Variants in CHODL observed in about 807,000 individuals in gnomAD.
The protein encoded by CHODL is transmembrane protein MT75.
Under a neutral mutation model 34.5 loss-of-function variants are expected in CHODL, and 29 were observed. That is an observed-to-expected ratio of 0.84 (90% confidence interval 0.63 to 1.15). CHODL has a LOEUF of 1.15. CHODL is among the 50% of genes most tolerant of loss of function. CHODL has a pLI of 0.00. For missense variants in CHODL, 332 were observed against 332.5 expected (o/e 1.00, Z 0.01); for synonymous variants, 125 against 116.1 (o/e 1.08, Z -0.49).
chr21:18,033,230 A>C (rs1600918771), intron 2 of CHODL, among the ~76,000 whole-genome samples: 1 of 151,990 alleles, frequency 6.6e-6, no homozygotes, highest in East Asian at 1.9e-4. Context: ...TAGGTAATGC[A>C]AAGACAATAA....
chr21:17,944,159 T>G (rs1018767617), intron 1 of CHODL, among the ~76,000 whole-genome samples: 9 of 152,092 alleles, frequency 5.9e-5, no homozygotes, highest in African/African-American at 2.2e-4. Context: ...TCCATGGATC[T>G]CAGCAAAGCA....
At chr21:18,143,229 A>G (rs530123466) in intron 2 of CHODL, among the ~76,000 whole-genome samples, 9 of 152,318 alleles carry the variant, frequency 5.9e-5, no homozygotes, top group African/African-American at 1.9e-4. Context: ...AAATTAATCC[A>G]TACATACTGA....
chr21:17,980,367 C>A (rs545744704), intron 1 of CHODL, among the ~76,000 whole-genome samples: 1 of 152,156 alleles, frequency 6.6e-6, no homozygotes, highest in Non-Finnish European at 1.5e-5. Flanking sequence ...GAAATGTACG[C>A]TCTCCAGTAA....
chr21:18,226,615 A>G (rs2073933712), intron 2 of CHODL, among the ~76,000 whole-genome samples: 1 of 152,096 alleles, frequency 6.6e-6, no homozygotes, highest in South Asian at 2.1e-4. Context: ...TACATTTTAT[A>G]TACTAAGTAG....
chr21:18,042,288 C>A (rs1030761606), intron 2 of CHODL, among the ~76,000 whole-genome samples: 11 of 151,824 alleles, frequency 7.2e-5, no homozygotes, highest in African/African-American at 2.4e-4. Flanking sequence ...CTTCTCCCCA[C>A]CCCCTTCTGC....
intron 1 of CHODL, among the ~76,000 whole-genome samples, chr21:17,947,547 A>G (rs1456322868): frequency 2.0e-5 from 1 of 49,916 alleles, no homozygotes; most frequent in Admixed American, 2.3e-4. Context: ...ACACACAGAC[A>G]CACACACACA....
chr21:17,982,888 C>T (rs959722762), intron 1 of CHODL, among the ~76,000 whole-genome samples: 1 of 151,418 alleles, frequency 6.6e-6, no homozygotes, highest in East Asian at 1.9e-4. Flanking sequence ...CCCCCCCCAG[C>T]TAATTTTTGT....
intron 2 of CHODL, among the ~76,000 whole-genome samples, chr21:18,098,045 A>G (rs1335055294): frequency 6.6e-6 from 1 of 152,070 alleles, no homozygotes; most frequent in Non-Finnish European, 1.5e-5. Flanking sequence ...ATGTCTCACC[A>G]CATACAAAAA....
intron 1 of CHODL, among the ~76,000 whole-genome samples, chr21:18,015,362 C>T (rs1157644965): frequency 6.6e-6 from 1 of 152,136 alleles, no homozygotes; most frequent in Non-Finnish European, 1.5e-5. Context: ...TGCCTTCCAC[C>T]ATGATCGTAG....
intron 2 of CHODL, among the ~76,000 whole-genome samples, chr21:18,103,110 C>A (rs1568887560): frequency 6.6e-6 from 1 of 151,994 alleles, no homozygotes. Context: ...AGTTGAGATA[C>A]CATTTCATTT....
chr21:17,990,885 A>C (rs920756234), intron 1 of CHODL, among the ~76,000 whole-genome samples: 1 of 152,092 alleles, frequency 6.6e-6, no homozygotes, highest in Non-Finnish European at 1.5e-5. Context: ...AAGTCACCCT[A>C]CTGTGCTATT....
intron 2 of CHODL, among the ~76,000 whole-genome samples, chr21:18,092,835 C>A (rs1181728770): frequency 1.3e-5 from 2 of 152,138 alleles, no homozygotes; most frequent in Non-Finnish European, 2.9e-5. Context: ...AAAATAGCCT[C>A]AAAAGGTCAA....
At position 18,257,058 on chromosome 21, in the gene CHODL, C is replaced by A. The variant is rs759207125; in HGVS notation, c.478C>A (p.Pro160Thr). The A allele has an allele frequency of 1.2e-6, 2 of 1,613,780 alleles. No individual in the cohort carries two copies. The highest frequency in any genetic ancestry group is 1.3e-5 in the African/African-American group (1 of 74,896). The part of the protein sequence containing the change: ...QPTANPGLGG[P>T]YLYQWNDDRC... ...AACTGCCAATCCTGGCCTTGGGGGT[C>A]CCTACCTTTACCAGTGGAATGATGA... The change falls in exon 3 of 6, where the codon CCC becomes ACC. Residue 160 changes from proline (P) to threonine (T), a missense_variant. Transcript: ENST00000299295.
chr21:18,112,574 C>G (rs774492159), intron 2 of CHODL, among the ~76,000 whole-genome samples: 5 of 152,096 alleles, frequency 3.3e-5, no homozygotes, highest in Non-Finnish European at 5.9e-5. Flanking sequence ...GACACATAGA[C>G]CAATGGAACA....
At chr21:18,237,018 T>C (rs2074034587) in intron 2 of CHODL, among the ~76,000 whole-genome samples, 1 of 152,100 alleles carries the variant, frequency 6.6e-6, no homozygotes, top group Non-Finnish European at 1.5e-5. Context: ...CAGCTAACTA[T>C]TGGAGAAGAA....
upstream of CHODL, among the ~76,000 whole-genome samples, chr21:18,244,171 T>G (rs1236139264): frequency 2.0e-5 from 3 of 152,324 alleles, no homozygotes; most frequent in Non-Finnish European, 2.9e-5. Context: ...TGCAAAGAAA[T>G]ACATACATTT....
At chr21:17,921,711 T>C (rs2063184634) in intron 1 of CHODL, among the ~76,000 whole-genome samples, 1 of 152,228 alleles carries the variant, frequency 6.6e-6, no homozygotes, top group Admixed American at 6.5e-5. Flanking sequence ...TCCTGACTGA[T>C]GAATCATTCT....
intron 1 of CHODL, among the ~76,000 whole-genome samples, chr21:18,255,469 G>A (rs2074304619): frequency 6.6e-6 from 1 of 152,058 alleles, no homozygotes; most frequent in African/African-American, 2.4e-5. Flanking sequence ...AAAGCTGAGA[G>A]AAATAATTTG....
chr21:18,166,492 AT>A (rs1380208818), intron 2 of CHODL, among the ~76,000 whole-genome samples: 1 of 152,152 alleles, frequency 6.6e-6, no homozygotes, highest in African/African-American at 2.4e-5. Flanking sequence ...AGGTATGAAC[AT>A]TAGGAAGTAG....
Sources: gnomAD v4.1 joint callset for allele counts (sites outside exome capture counted in the v4.1 genomes callset) on GRCh38, gnomAD v4.1.1 for gene constraint, MANE v1.5 for transcripts, NCBI Gene and HGNC (gene_info 2026-07-23, HGNC 2026-07-21) for gene names.